Variants in DPP6 observed in about 807,000 individuals in gnomAD.
DPP6 encodes A-type potassium channel modulatory protein DPP6.
DPP6 carries 69 observed loss-of-function variants against 122.6 expected under a neutral mutation model. The ratio of observed to expected loss-of-function variants is 0.56; its 90% confidence interval spans 0.46 to 0.69. The LOEUF (loss-of-function observed/expected upper bound fraction) is 0.69, where lower values mean the gene tolerates loss of function less well. DPP6 is among the 30% of genes least tolerant of loss of function. The pLI is 0.00. For missense variants in DPP6, 928 were observed against 1,116.9 expected, an observed-to-expected ratio of 0.83 and a Z score of 2.41; for synonymous variants, 418 against 433.1, an observed-to-expected ratio of 0.97 and a Z score of 0.43.
At chr7:154,292,396 C>T (rs571477390) in intron 1 of DPP6, among the ~76,000 whole-genome samples, 22 of 152,244 alleles carry the variant, frequency 1.4e-4, no homozygotes, top group African/African-American at 5.1e-4. Flanking sequence ...GGCTAATTTC[C>T]CAGCATACTA....
Position 154,807,127 on chromosome 7 carries a change from C to A in DPP6, c.1666+15C>A, listed in dbSNP as rs1027275221. On this transcript the variant is annotated intron_variant, in intron 16 of 25. Coordinates refer to ENST00000377770, the MANE Select transcript of DPP6 (RefSeq NM_130797.4). Reference sequence around the variant, plus strand: ...CAAGTGCGAAGGTCAGCTCCTGCCACCCCGTCAGGGCAAAGAGCCCTGGCA... The same window carrying A: ...CAAGTGCGAAGGTCAGCTCCTGCCAACCCGTCAGGGCAAAGAGCCCTGGCA... 2.5e-6 allele frequency: 4 copies of A among 1,610,762 alleles called. No individual in the cohort carries two copies. The African/African-American group carries it at 5.3e-5, about 21-fold the overall frequency.
intron 1 of DPP6, among the ~76,000 whole-genome samples, chr7:153,967,386 T>C (rs1341702705): frequency 1.3e-5 from 2 of 152,054 alleles, no homozygotes; most frequent in African/African-American, 4.8e-5. Flanking sequence ...GGAGCCACTG[T>C]GGAAAAGAGG....
chr7:154,723,968 A>G (rs1023277212), intron 7 of DPP6, among the ~76,000 whole-genome samples: 43 of 152,342 alleles, frequency 2.8e-4, no homozygotes, highest in African/African-American at 9.6e-4. Context: ...TGATCCATGC[A>G]CCAGAAAATG....
intron 6 of DPP6, among the ~76,000 whole-genome samples, chr7:154,665,853 GT>G (rs1563079660): frequency 6.6e-6 from 1 of 150,744 alleles, no homozygotes; most frequent in African/African-American, 2.4e-5. Context: ...TCCTTATAAC[GT>G]TTTTTTTCAA....
intron 8 of DPP6, among the ~76,000 whole-genome samples, chr7:154,738,685 C>T (rs190189273): frequency 1.9e-4 from 29 of 152,224 alleles, no homozygotes; most frequent in African/African-American, 9.6e-5. Context: ...TCCTGCTTAG[C>T]GGATAGAGCT....
At chr7:154,349,152 GTTGTTGTTGTTGT>G (rs946186231) in intron 1 of DPP6, among the ~76,000 whole-genome samples, 10 of 151,998 alleles carry the variant, frequency 6.6e-5, no homozygotes, top group African/African-American at 2.2e-4. Flanking sequence ...GTTAATTTTT[GTTGTTGTTGTTGT>G]TTGTTGTTGT....
chr7:154,259,771 A>T (rs1802876839), intron 1 of DPP6, among the ~76,000 whole-genome samples: 1 of 152,200 alleles, frequency 6.6e-6, no homozygotes, highest in African/African-American at 2.4e-5. Context: ...TTCATTTCTC[A>T]TTCAATAATA....
At chr7:153,970,385 T>A (rs946514759) in intron 1 of DPP6, among the ~76,000 whole-genome samples, 3 of 152,200 alleles carry the variant, frequency 2.0e-5, no homozygotes, top group African/African-American at 7.2e-5. Flanking sequence ...GATCTCTAAA[T>A]ATATACTGTC....
intron 16 of DPP6, among the ~76,000 whole-genome samples, chr7:154,836,660 T>C (rs1446164138): frequency 1.3e-5 from 2 of 152,192 alleles, no homozygotes; most frequent in African/African-American, 4.8e-5. Context: ...GAGATTTTAT[T>C]TTAACAACAA....
chr7:154,335,200 G>A (rs918097709), intron 1 of DPP6, among the ~76,000 whole-genome samples: 4 of 152,292 alleles, frequency 2.6e-5, no homozygotes, highest in South Asian at 4.1e-4. Flanking sequence ...TGTTAATGCC[G>A]GTTATAGAAA....
intron 1 of DPP6, among the ~76,000 whole-genome samples, chr7:154,083,326 A>G (rs1355813390): frequency 6.6e-6 from 1 of 151,994 alleles, no homozygotes; most frequent in Non-Finnish European, 1.5e-5. Flanking sequence ...TATCCCAGCC[A>G]CTCAGGTTGG....
intron 6 of DPP6, among the ~76,000 whole-genome samples, chr7:154,640,628 T>C (rs1836019429): frequency 6.6e-6 from 1 of 152,186 alleles, no homozygotes; most frequent in Admixed American, 6.5e-5. Flanking sequence ...GCCTGGAGCT[T>C]CGTGACCCCT....
intron 1 of DPP6, among the ~76,000 whole-genome samples, chr7:154,103,269 C>T (rs935060288): frequency 3.9e-5 from 6 of 152,138 alleles, no homozygotes; most frequent in African/African-American, 1.2e-4. Context: ...TTGCAGGAAG[C>T]GACTCCATTC....
intron 1 of DPP6, among the ~76,000 whole-genome samples, chr7:154,434,118 TTAAAA>T (rs1280730279): frequency 1.3e-5 from 2 of 152,232 alleles, no homozygotes; most frequent in Non-Finnish European, 2.9e-5. Context: ...ACTGATACAA[TTAAAA>T]TAAAACATTA....
chr7:153,885,685 A>C (rs1263419717), upstream of DPP6, among the ~76,000 whole-genome samples: 1 of 152,152 alleles, frequency 6.6e-6, no homozygotes, highest in Non-Finnish European at 1.5e-5. Context: ...AACAGAGAAG[A>C]GTGCTTCTAG....
chr7:153,785,987 A>G, the DPP6 span, among the ~76,000 whole-genome samples: 1 of 152,018 alleles, frequency 6.6e-6, no homozygotes, highest in Non-Finnish European at 1.5e-5. Flanking sequence ...AAGTGTTTAA[A>G]TATTTGTTAT....
At chr7:154,860,126 AG>A (rs111312159) in intron 17 of DPP6, among the ~76,000 whole-genome samples, 320 of 152,282 alleles carry the variant, frequency 2.1e-3, no homozygotes, top group African/African-American at 7.5e-3. Context: ...GGGTCCATGA[AG>A]CAACGCCAGA....
Position 154,143,537 on chromosome 7 carries a change from C to T in DPP6, c.243+90474C>T, listed in dbSNP as rs532174557. On this transcript the variant is annotated intron_variant, in intron 1 of 25. Coordinates refer to ENST00000377770, the MANE Select transcript of DPP6 (RefSeq NM_130797.4). ...AACAAAAGGGAAATACAAAAGTGAC[C>T]TATACTCTAATCACCCAAACAGAAT... Among the ~76,000 whole-genome samples, 3 of 151,962 alleles carry T rather than the reference C, an allele frequency of 2.0e-5. No individual in the cohort carries two copies. In the South Asian group the frequency reaches 6.3e-4, roughly 32 times the overall value.
At chr7:153,803,034 C>T in the DPP6 span, among the ~76,000 whole-genome samples, 41 of 151,272 alleles carry the variant, frequency 2.7e-4, no homozygotes, top group East Asian at 8.1e-3. Context: ...TGTTCCACGT[C>T]TGTGAGAGCA....
Sources: gnomAD v4.1 joint callset for allele counts (sites outside exome capture counted in the v4.1 genomes callset) on GRCh38, gnomAD v4.1.1 for gene constraint, MANE v1.5 for transcripts, NCBI Gene and HGNC (gene_info 2026-07-23, HGNC 2026-07-21) for gene names.